The following MET variants were observed in gnomAD, a reference collection of about 807,000 sequenced individuals.
MET encodes MET proto-oncogene, receptor tyrosine kinase.
MET carries 48 observed loss-of-function variants against 133.1 expected under a neutral mutation model. The ratio of observed to expected loss-of-function variants is 0.36; its 90% confidence interval spans 0.29 to 0.46. MET has a LOEUF of 0.46. Among genes scored for constraint, MET ranks in the 20% least tolerant of loss-of-function variants. MET has a pLI of 1.00. For missense variants in MET, 1,442 were observed against 1,695.9 expected (o/e 0.85, Z 2.63); for synonymous variants, 628 against 616.5 (o/e 1.02, Z -0.28).
At chr7:116,713,372 G>C (rs1268589933) in intron 2 of MET, among the ~76,000 whole-genome samples, 1 of 151,074 alleles carries the variant, frequency 6.6e-6, no homozygotes, top group Non-Finnish European at 1.5e-5. Context: ...TCCAGCCTGG[G>C]CGACAGAGCG....
chr7:116,783,601 G>T, intron 19 of MET, 132 bp downstream of exon 19: 2 of 897,546 alleles, frequency 2.2e-6, no homozygotes, highest in Non-Finnish European at 3.5e-6. Context: ...ATGTAAAAAT[G>T]GACTTGTCTG....
chr7:116,676,399 C>A lies in MET; in HGVS notation c.-15+3822C>A, dbSNP rs557985061. Among the ~76,000 whole-genome samples the A allele has an allele frequency of 5.3e-5, 8 of 152,306 alleles. 1 individual carries two copies. The South Asian group carries it at 1.7e-3, about 32-fold the overall frequency. On this transcript the variant is annotated intron_variant, in intron 1 of 20. Transcript: ENST00000397752. ...CCAAGAATGTGAATGAGGATTTAGT[C>A]ATTCATTCAGGACAATTTTTTGACA...
Position 116,741,007 on chromosome 7 carries a change from T to C in MET, c.1683T>C (p.Cys561=). 6.2e-7 allele frequency: 1 copy of C among 1,613,434 alleles called. No individual in the cohort carries two copies. The highest frequency in any genetic ancestry group is 8.5e-7 in the Non-Finnish European group (1 of 1,179,906). The change falls in exon 5 of 21, where the codon TGT becomes TGC. Residue 561 remains cysteine, a synonymous_variant. Coordinates refer to ENST00000397752, the MANE Select transcript of MET (RefSeq NM_000245.4). The part of the protein sequence containing the change: ...CLSGTWTQQI[C]LPAIYKVFPN... ...GCGGGACATGGACTCAACAGATCTG[T>C]CTGCCTGCAATCTACAAGGTAGGAA...
intron 1 of MET, chr7:116,695,864 A>C (rs961570762): frequency 2.3e-6 from 1 of 425,814 alleles, no homozygotes; most frequent in Admixed American, 2.6e-5. Context: ...CTGAGGCTTC[A>C]TCTTGTCCTC....
intron 3 of MET, among the ~76,000 whole-genome samples, chr7:116,737,353 A>T (rs1280091054): frequency 6.6e-6 from 1 of 152,250 alleles, no homozygotes; most frequent in East Asian, 1.9e-4. Context: ...AAAATTACTG[A>T]AACACGGAGT....
chr7:116,771,727 G>T (rs894047114), intron 13 of MET, 73 bp downstream of exon 13: 3 of 1,607,840 alleles, frequency 1.9e-6, no homozygotes, highest in South Asian at 1.1e-5. Context: ...GATTGTCGTC[G>T]ATTCTTGTGT....
At chr7:116,738,949 G>A (rs375694951) in intron 3 of MET, among the ~76,000 whole-genome samples, 4 of 152,116 alleles carry the variant, frequency 2.6e-5, no homozygotes, top group Admixed American at 6.6e-5. Flanking sequence ...TACCCATCGC[G>A]AGTAAATGCA....
intron 1 of MET, among the ~76,000 whole-genome samples, chr7:116,691,730 A>G (rs577177874): frequency 4.4e-4 from 67 of 152,178 alleles, no homozygotes; most frequent in Admixed American, 7.9e-4. Context: ...AGTTAACATC[A>G]TCTTTAGTGC....
intron 2 of MET, among the ~76,000 whole-genome samples, chr7:116,701,397 T>A (rs1791574810): frequency 6.6e-6 from 1 of 152,182 alleles, no homozygotes; most frequent in African/African-American, 2.4e-5. Context: ...GCATAAAGTA[T>A]ATAATTTGCT....
intron 2 of MET, among the ~76,000 whole-genome samples, chr7:116,718,255 G>A (rs1792322863): frequency 6.6e-6 from 1 of 152,138 alleles, no homozygotes; most frequent in African/African-American, 2.4e-5. Context: ...CAGATATGGT[G>A]GCGGGCACCT....
At chr7:116,745,916 C>T (rs1793658675) in intron 5 of MET, among the ~76,000 whole-genome samples, 1 of 152,088 alleles carries the variant, frequency 6.6e-6, no homozygotes, top group African/African-American at 2.4e-5. Flanking sequence ...CAACAAAAGC[C>T]AAAATTGACA....
intron 19 of MET, among the ~76,000 whole-genome samples, chr7:116,789,759 T>C (rs191622610): frequency 6.6e-6 from 1 of 152,356 alleles, no homozygotes; most frequent in Admixed American, 6.5e-5. Context: ...CAGTAATTCA[T>C]TCCTTTCTTA....
chr7:116,785,064 T>G (rs926341970), intron 19 of MET, among the ~76,000 whole-genome samples: 6 of 152,238 alleles, frequency 3.9e-5, no homozygotes, highest in Non-Finnish European at 8.8e-5. Flanking sequence ...TTATTAAATC[T>G]TAAAGCTCCA....
intron 2 of MET, among the ~76,000 whole-genome samples, chr7:116,712,379 C>A (rs908226400): frequency 5.9e-5 from 9 of 152,162 alleles, no homozygotes; most frequent in African/African-American, 2.2e-4. Flanking sequence ...GGTAATGTGT[C>A]CAACAGTTCC....
intron 2 of MET, among the ~76,000 whole-genome samples, chr7:116,710,284 A>G (rs916752805): frequency 1.1e-4 from 16 of 152,238 alleles, no homozygotes; most frequent in African/African-American, 3.9e-4. Context: ...TTTGTAATAT[A>G]TAAGTAGTAG....
intron 10 of MET, among the ~76,000 whole-genome samples, chr7:116,760,853 A>G (rs952628533): frequency 6.6e-6 from 1 of 152,150 alleles, no homozygotes; most frequent in African/African-American, 2.4e-5. Context: ...GCATTTTGAA[A>G]CCAATCCCCA....
chr7:116,753,397 G>A (rs1051127966), intron 5 of MET, among the ~76,000 whole-genome samples: 2 of 152,170 alleles, frequency 1.3e-5, no homozygotes, highest in Admixed American at 1.3e-4. Context: ...AAGCTGCTGA[G>A]AAGAAGCTTA....
chr7:116,749,274 T>C (rs1473666614), intron 5 of MET, among the ~76,000 whole-genome samples: 1 of 152,174 alleles, frequency 6.6e-6, no homozygotes, highest in East Asian at 1.9e-4. Flanking sequence ...TCAAGTTGGC[T>C]TCATCCCTGG....
intron 12 of MET, among the ~76,000 whole-genome samples, chr7:116,770,137 C>T (rs1295732671): frequency 6.6e-6 from 1 of 152,216 alleles, no homozygotes; most frequent in Non-Finnish European, 1.5e-5. Flanking sequence ...CAGTGTTCCA[C>T]TGCCAACCAC....
Sources: gnomAD v4.1 joint callset for allele counts (sites outside exome capture counted in the v4.1 genomes callset) on GRCh38, gnomAD v4.1.1 for gene constraint, MANE v1.5 for transcripts, NCBI Gene and HGNC (gene_info 2026-07-23, HGNC 2026-07-21) for gene names.